The following SPATA45 variants were observed in gnomAD, a reference collection of about 807,000 sequenced individuals.
SPATA45 encodes spermatogenesis associated 45.
Under a neutral mutation model 7.0 loss-of-function variants are expected in SPATA45, and 5 were observed. That is an observed-to-expected ratio of 0.71 (90% CI 0.37 to 1.50). The LOEUF is 1.50. Ranked by LOEUF, SPATA45 falls within the 40% of genes most tolerant of loss-of-function variation. The pLI, the probability that SPATA45 is intolerant of heterozygous loss-of-function variation, is 0.03. For synonymous variants in SPATA45, 40 were observed against 38.7 expected (o/e 1.03, Z -0.13); for missense variants, 111 against 114.9 (o/e 0.97, Z 0.16).
At chr1:212,843,750 AT>A (rs958750272) in intron 1 of SPATA45, among the ~76,000 whole-genome samples, 1 of 152,140 alleles carries the variant, frequency 6.6e-6, no homozygotes, top group African/African-American at 2.4e-5. Flanking sequence ...AATTCATCCA[AT>A]TTTACAATCT....
At chr1:212,830,980 T>A (rs1165729235) in intron 2 of SPATA45, among the ~76,000 whole-genome samples, 3 of 147,000 alleles carry the variant, frequency 2.0e-5, no homozygotes, top group Non-Finnish European at 4.5e-5. Flanking sequence ...AGAAAAAATC[T>A]CAAAAAAAAT....
At chr1:212,832,255 C>T (rs1244293137) in intron 2 of SPATA45, among the ~76,000 whole-genome samples, 2 of 150,680 alleles carry the variant, frequency 1.3e-5, no homozygotes, top group Non-Finnish European at 3.0e-5. Context: ...CCACTCGCCT[C>T]GGCCTCCCAA....
At position 212,838,815 on chromosome 1, in the gene SPATA45, C is replaced by T. The variant is rs533394067; in HGVS notation, c.-38-2628G>A. Among the ~76,000 whole-genome samples the T allele has an allele frequency of 4.4e-4, 67 of 151,684 alleles. 3 individuals carry two copies. The highest frequency in any genetic ancestry group is 1.5e-3 in the African/African-American group (63 of 41,488). On this transcript the variant is annotated intron_variant, in intron 1 of 2. Transcript: ENST00000332912. ...CTCCCAGGCTCAAGCCATCTTCCCA[C>T]CTCAGCCTCCCAAGTAGCTGGGATA...
intron 1 of SPATA45, 74 bp from the exon 2 acceptor site, chr1:212,836,261 G>A (rs1663582860): frequency 8.1e-7 from 1 of 1,228,194 alleles, no homozygotes; most frequent in Admixed American, 2.3e-5. Flanking sequence ...ACGTTTGCCA[G>A]TTTCTCTTTT....
intron 1 of SPATA45, among the ~76,000 whole-genome samples, chr1:212,845,137 T>C (rs903924665): frequency 2.0e-4 from 30 of 152,316 alleles, no homozygotes; most frequent in Non-Finnish European, 3.8e-4. Context: ...ATCTCTTCCA[T>C]GTAGGTTACA....
chr1:212,833,529 C>T (rs1448662573), intron 2 of SPATA45, among the ~76,000 whole-genome samples: 2 of 145,148 alleles, frequency 1.4e-5, no homozygotes, highest in African/African-American at 5.0e-5. Context: ...AAAAAATTAG[C>T]CAGGCGTGGT....
chr1:212,841,822 A>G (rs908466715), intron 1 of SPATA45, among the ~76,000 whole-genome samples: 1 of 151,986 alleles, frequency 6.6e-6, no homozygotes, highest in Non-Finnish European at 1.5e-5. Flanking sequence ...CAGTGGCGTG[A>G]TCTTGGCTCA....
Position 212,835,966 on chromosome 1 carries a change from T to C in SPATA45, c.184A>G (p.Thr62Ala). The change falls in exon 2 of 3, where the codon ACA becomes GCA. Residue 62 changes from threonine to alanine, a missense_variant. Transcript: ENST00000332912. ...CTGTTGGGAACAGGCTCTTTGGTTG[T>C]GGTATCAGTAAAGGACTGATAGGCA... ...PDAYQSFTDT[T>A]TKEPVPNSGR... is the part of the protein sequence containing the mutation. 1.2e-6 allele frequency: 2 copies of C among 1,610,536 alleles called. No individual in the cohort carries two copies. Among genetic ancestry groups the C allele is most frequent in the Non-Finnish European group, 1.7e-6 (2 of 1,177,118 alleles).
intron 2 of SPATA45, among the ~76,000 whole-genome samples, chr1:212,833,381 G>A (rs563945688): frequency 2.0e-5 from 3 of 151,420 alleles, no homozygotes; most frequent in South Asian, 2.1e-4. Flanking sequence ...CCTCCTGGCC[G>A]GGCTCAGTGG....
intron 2 of SPATA45, among the ~76,000 whole-genome samples, chr1:212,831,414 A>G (rs1663484867): frequency 6.6e-6 from 1 of 150,484 alleles, no homozygotes; most frequent in Admixed American, 6.7e-5. Flanking sequence ...TTGAGGATAC[A>G]GTGAGCTATG....
At chr1:212,840,629 T>G (rs900122959) in intron 1 of SPATA45, among the ~76,000 whole-genome samples, 1 of 151,590 alleles carries the variant, frequency 6.6e-6, no homozygotes, top group African/African-American at 2.4e-5. Flanking sequence ...CTGTTTTGTT[T>G]TGTTTTGAGA....
In SPATA45 at chr1:212,837,902, G is replaced by A. The variant is rs116421771; in HGVS notation, c.-38-1715C>T. ...TTAAAAAGCCCACGCTGAGATTACA[G>A]TGAACTTAAAAAGAAAAGAAAATCT... On this transcript the variant is annotated intron_variant, in intron 1 of 2. Transcript: ENST00000332912. Among the ~76,000 whole-genome samples, 533 of 151,888 alleles carry A rather than the reference G, an allele frequency of 3.5e-3. 6 individuals are homozygous for A. Among genetic ancestry groups the A allele is most frequent in the African/African-American group, 0.012 (479 of 41,558 alleles).
At chr1:212,835,679 C>T (rs570461156) in intron 2 of SPATA45, among the ~76,000 whole-genome samples, 194 bp downstream of exon 2, 1 of 150,992 alleles carries the variant, frequency 6.6e-6, no homozygotes, top group African/African-American at 2.4e-5. Flanking sequence ...CTAAAAAATA[C>T]AAAAAAATTA....
At chr1:212,846,670 T>C (rs925604954) in intron 1 of SPATA45, among the ~76,000 whole-genome samples, 1 of 152,136 alleles carries the variant, frequency 6.6e-6, no homozygotes, top group Admixed American at 6.6e-5. Flanking sequence ...CCCAAACCTA[T>C]ATGAACTAAT....
chr1:212,843,150 C>A (rs1198123738), intron 1 of SPATA45, among the ~76,000 whole-genome samples: 1 of 142,686 alleles, frequency 7.0e-6, no homozygotes, highest in East Asian at 2.0e-4. Flanking sequence ...CTTAGCTGGG[C>A]GCGGTGGCAC....
intron 1 of SPATA45, among the ~76,000 whole-genome samples, chr1:212,843,957 A>G (rs1410335270): frequency 1.3e-5 from 2 of 151,968 alleles, no homozygotes; most frequent in Admixed American, 1.3e-4. Flanking sequence ...AGATCAACCT[A>G]ACTGACCCCA....
chr1:212,831,709 C>T (rs1663491019), intron 2 of SPATA45, among the ~76,000 whole-genome samples: 1 of 151,212 alleles, frequency 6.6e-6, no homozygotes, highest in African/African-American at 2.4e-5. Flanking sequence ...CCCAGAACTC[C>T]AAATACTCTA....
At chr1:212,842,754 C>A (rs539861733) in intron 1 of SPATA45, among the ~76,000 whole-genome samples, 15 of 152,000 alleles carry the variant, frequency 9.9e-5, no homozygotes, top group Admixed American at 4.6e-4. Context: ...AGGTGGATCA[C>A]CTGAAGTTGG....
At chr1:212,840,883 G>A (rs1004823797) in intron 1 of SPATA45, among the ~76,000 whole-genome samples, 7 of 152,168 alleles carry the variant, frequency 4.6e-5, no homozygotes, top group African/African-American at 1.7e-4. Flanking sequence ...CTCCCAAAGT[G>A]CTGGGATTAC....
Sources: allele counts gnomAD v4.1 joint callset (sites outside exome capture counted in the v4.1 genomes callset), GRCh38; gene constraint gnomAD v4.1.1; transcripts MANE v1.5; gene names NCBI Gene and HGNC (gene_info 2026-07-23, HGNC 2026-07-21).